Variants in PPL observed in about 807,000 individuals in gnomAD.
The protein encoded by PPL is periplakin, also known as 190 kDa paraneoplastic pemphigus antigen.
In PPL, 198 loss-of-function variants were observed where a neutral mutation model predicts 194.4. The observed-to-expected ratio is 1.02, with a 90% CI of 0.91 to 1.15. The LOEUF is 1.15. Among genes scored for constraint, PPL ranks in the 50% most tolerant of loss-of-function variants. PPL has a pLI of 0.00. For missense variants in PPL, 2,885 were observed against 2,294.8 expected, an observed-to-expected ratio of 1.26 and a Z score of -5.25; for synonymous variants, 1,220 against 972.4, an observed-to-expected ratio of 1.25 and a Z score of -4.74.
chr16:4,891,996 A>T (rs781313261), intron 15 of PPL, 39 bp downstream of exon 15: 4 of 1,610,248 alleles, frequency 2.5e-6, no homozygotes, highest in East Asian at 2.2e-5. Context: ...TGGCCCCCTG[A>T]CCCCACCCCA....
At chr16:4,916,792 A>G (rs2088925553) in intron 1 of PPL, among the ~76,000 whole-genome samples, 1 of 151,784 alleles carries the variant, frequency 6.6e-6, no homozygotes, top group Non-Finnish European at 1.5e-5. Flanking sequence ...GGCGTGAGCC[A>G]CTGCACCCAG....
At position 4,883,408 on chromosome 16, in the gene PPL, C is replaced by T. The variant is rs116861592; in HGVS notation, c.5247G>A (p.Ala1749=). 9.9e-6 allele frequency: 16 copies of T among 1,614,028 alleles called. No homozygotes were observed. The highest frequency in any genetic ancestry group is 8.3e-5 in the Admixed American group (5 of 59,990). The change falls in exon 22 of 22, where the codon GCG becomes GCA. Residue 1749 remains alanine, a synonymous_variant. Coordinates refer to ENST00000345988, the MANE Select transcript of PPL (RefSeq NM_002705.5). The surrounding 1 kb of genome is among the most constrained non-coding windows in gnomAD (Gnocchi z 4.8). ...VNKDMSIQEL[A]VLVSGQK Reference sequence around the variant, plus strand: ...CCTACTTCTGCCCAGATACCAAGACCGCCAGCTCCTGGATGGACATATCCT... The same window carrying T: ...CCTACTTCTGCCCAGATACCAAGACTGCCAGCTCCTGGATGGACATATCCT...
At chr16:4,917,722 G>A (rs1568044150) in intron 1 of PPL, among the ~76,000 whole-genome samples, 1 of 152,010 alleles carries the variant, frequency 6.6e-6, no homozygotes, top group Non-Finnish European at 1.5e-5. Flanking sequence ...GCAACATGGT[G>A]AAACCCCATG....
At chr16:4,890,096 A>G (rs1330514925) in intron 18 of PPL, 88 bp downstream of exon 18, 3 of 1,597,904 alleles carry the variant, frequency 1.9e-6, no homozygotes, top group African/African-American at 1.3e-5. Flanking sequence ...TCCACCTCCC[A>G]AAGGCTTGGC....
At chr16:4,905,469 C>T (rs2088663713) in intron 2 of PPL, among the ~76,000 whole-genome samples, 2 of 152,158 alleles carry the variant, frequency 1.3e-5, no homozygotes, top group African/African-American at 4.8e-5. Context: ...TAAATAGGCA[C>T]AAGAGATCTT....
chr16:4,890,173 G>C lies in PPL; in HGVS notation c.2313+11C>G. ...AGTGTGTGCCTGGGGCTGCGGAAAC[G>C]GCCATCTCACCTTCTGGTTCTTCAG... is the stretch of plus-strand genomic sequence containing the variant. On this transcript the variant is annotated intron_variant, in intron 18 of 21. Coordinates refer to ENST00000345988, the MANE Select transcript of PPL (RefSeq NM_002705.5). 1.2e-6 allele frequency: 2 copies of C among 1,614,024 alleles called. No individual in the cohort carries two copies. The highest frequency in any genetic ancestry group is 1.7e-6 in the Non-Finnish European group (2 of 1,180,018).
rs770840397 is a variant in PPL, at chr16:4,884,266, TCGGAGCAGGGCATGCTCTCGCGC to T, written c.4366_4388del (p.Ala1456ThrfsTer88). 1 of 1,612,622 alleles carries T rather than the reference TCGGAGCAGGGCATGCTCTCGCGC, an allele frequency of 6.2e-7. No homozygotes were observed. Among genetic ancestry groups the T allele is most frequent in the African/African-American group, 1.3e-5 (1 of 74,804 alleles). ...GGTGCTGCTCTTCTTCCAGCTGGAG[TCGGAGCAGGGCATGCTCTCGCGC>T]CTGCTGCGGGTCCTGCTGCAGCACC... On this transcript the variant is annotated frameshift_variant, in exon 22 of 22. Coordinates refer to ENST00000345988, the MANE Select transcript of PPL (RefSeq NM_002705.5). LOFTEE classifies it high-confidence loss of function. The surrounding 1 kb of genome is among the most constrained non-coding windows in gnomAD (Gnocchi z 5.7).
Position 4,890,757 on chromosome 16 carries a change from G to A in PPL, c.2133C>T (p.Phe711=), listed in dbSNP as rs965048622. The A allele has an allele frequency of 3.7e-6, 6 of 1,608,958 alleles. No individual in the cohort carries two copies. In the South Asian group the frequency reaches 4.4e-5, roughly 12 times the overall value. The change falls in exon 17 of 22, where the codon TTC becomes TTT. Residue 711 remains phenylalanine, a synonymous_variant. Transcript: ENST00000345988. ...EAEVHKLGQR[F]NNLRQQVERR... ...GTTCCACCTGCTGGCGCAGGTTGTT[G>A]AAACGCTGGCCCAGCTTGTGCACCT...
At chr16:4,917,016 C>T (rs536698724) in intron 1 of PPL, among the ~76,000 whole-genome samples, 1 of 152,108 alleles carries the variant, frequency 6.6e-6, no homozygotes, top group East Asian at 1.9e-4. Context: ...CCTGTAATCC[C>T]ATCTATTCGG....
intron 8 of PPL, among the ~76,000 whole-genome samples, chr16:4,898,404 G>C (rs980549072): frequency 2.0e-5 from 3 of 152,188 alleles, no homozygotes; most frequent in Non-Finnish European, 4.4e-5. Flanking sequence ...CATTGTGGGG[G>C]TTGGGAAGAA....
chr16:4,887,231 CAGAGA>C lies in PPL; in HGVS notation c.2515-9_2515-5del. The C allele has an allele frequency of 2.5e-6, 4 of 1,610,858 alleles. No homozygotes were observed. Among genetic ancestry groups the C allele is most frequent in the East Asian group, 2.2e-5 (1 of 44,858 alleles). ...ACTTGGCGGCAAGTGCTGCTTCCTG[CAGAGA>C]AGAGGATTAGGAGAGCGGTCAACAA... is the stretch of plus-strand genomic sequence containing the variant. On this transcript the variant is annotated splice_polypyrimidine_tract_variant and splice_region_variant and intron_variant, in intron 20 of 21. Transcript: ENST00000345988.
At chr16:4,936,861 G>T in intron 1 of PPL, 123 bp downstream of exon 1, 1 of 998,782 alleles carries the variant, frequency 1.0e-6, no homozygotes, top group Non-Finnish European at 1.4e-6. Flanking sequence ...CGCACTCCGG[G>T]TTCAGTTCCC....
chr16:4,887,115 T>A lies in PPL; in HGVS notation c.2607+20A>T, dbSNP rs777205481. The A allele has an allele frequency of 6.3e-7, 1 of 1,580,014 alleles. No individual in the cohort carries two copies. Among genetic ancestry groups the A allele is most frequent in the Non-Finnish European group, 8.7e-7 (1 of 1,149,082 alleles). On this transcript the variant is annotated intron_variant, in intron 21 of 21. Coordinates refer to ENST00000345988, the MANE Select transcript of PPL (RefSeq NM_002705.5). ...CTGTTAGAACAGCCTGAAGTAGAATTTCTTACTAAGATCAGTTACCTGTCT... is the reference window on the plus strand; with the variant it reads ...CTGTTAGAACAGCCTGAAGTAGAATATCTTACTAAGATCAGTTACCTGTCT...
chr16:4,895,401 C>A lies in PPL; in HGVS notation c.1102G>T (p.Glu368Ter), dbSNP rs1443094290. 1 of 1,606,020 alleles carries A rather than the reference C, an allele frequency of 6.2e-7. No homozygotes were observed. Residue 368 changes from glutamate to a stop codon, truncating the protein, a stop_gained, in exon 11 of 22, where the codon GAG becomes TAG. Transcript: ENST00000345988. LOFTEE classifies it high-confidence loss of function. The part of the protein sequence containing the change: ...ELLLRELDDQ[E>*]KVLDKYEDVV... ...TCCTCATACTTGTCCAGCACCTTCT[C>A]CTGGTCCTGGAGAGAACGGGGTCAG...
In PPL at chr16:4,899,129, G is replaced by A; in HGVS notation, c.769-9C>T. On this transcript the variant is annotated splice_polypyrimidine_tract_variant and intron_variant, in intron 7 of 21. Transcript: ENST00000345988. ...TTCCGGTTGATGAAATTCTGCAGTGGGGGGCAGTGGAGGGGCCTCAGTGCC... is the reference window on the plus strand; with the variant it reads ...TTCCGGTTGATGAAATTCTGCAGTGAGGGGCAGTGGAGGGGCCTCAGTGCC... 1.9e-6 allele frequency: 3 copies of A among 1,613,544 alleles called. No individual in the cohort carries two copies. Among genetic ancestry groups the A allele is most frequent in the Non-Finnish European group, 1.7e-6 (2 of 1,179,690 alleles).
chr16:4,890,612 G>T (rs1036859360), intron 17 of PPL, 116 bp downstream of exon 17: 3 of 1,281,142 alleles, frequency 2.3e-6, no homozygotes, highest in South Asian at 1.6e-5. Flanking sequence ...AGAATCTGAC[G>T]AACTCACCAA....
Position 4,884,846 on chromosome 16 carries a change from T to C in PPL, c.3809A>G (p.Tyr1270Cys). The change falls in exon 22 of 22, where the codon TAC becomes TGC. Residue 1270 changes from tyrosine to cysteine, a missense_variant. Tyr to Cys is a radical substitution (Grantham distance 194). Coordinates refer to ENST00000345988, the MANE Select transcript of PPL (RefSeq NM_002705.5). This position sits in a 1 kb window ranked among gnomAD's most constrained non-coding sequence, Gnocchi z 5.7. ...GGCCTGGATTTCCTTTTTCAGCTGG[T>C]AGATCTCTAAATCACACCTTTCGAT... ...RLIERCDLEI[Y>C]QLKKEIQALK... The C allele has an allele frequency of 6.2e-7, 1 of 1,614,160 alleles. No individual in the cohort carries two copies. Among genetic ancestry groups the C allele is most frequent in the Non-Finnish European group, 8.5e-7 (1 of 1,180,028 alleles).
intron 16 of PPL, chr16:4,891,501 T>TA (rs1439443090): frequency 3.6e-6 from 1 of 279,204 alleles, no homozygotes; most frequent in Non-Finnish European, 6.6e-6. Flanking sequence ...CGGCTGGACT[T>TA]AAACTCCAAG....
rs778535677 is a variant in PPL at position 4,885,512 on chromosome 16, G to T, written c.3143C>A (p.Ala1048Glu). 2.2e-5 allele frequency: 35 copies of T among 1,611,056 alleles called. No individual in the cohort carries two copies. The East Asian group carries it at 7.4e-4, about 34-fold the overall frequency. Residue 1048 changes from alanine (A) to glutamate (E), a missense_variant, in exon 22 of 22, where the codon GCG (alanine) becomes GAG (glutamate). Transcript: ENST00000345988. This position sits in a 1 kb window ranked among gnomAD's most constrained non-coding sequence, Gnocchi z 6.3. ...CTCTTTCTCTGTGACCTTCTCCTGCGCCCGGCTCTTCTCTTCAGCCAGGGC... is the reference window on the plus strand; with the variant it reads ...CTCTTTCTCTGTGACCTTCTCCTGCTCCCGGCTCTTCTCTTCAGCCAGGGC... ...VAALAEEKSR[A>E]QEKVTEKEVV...
Sources: gnomAD v4.1 joint callset for allele counts (sites outside exome capture counted in the v4.1 genomes callset) on GRCh38, gnomAD v4.1.1 for gene constraint, Gnocchi (gnomAD v3.1) non-coding constraint, MANE v1.5 for transcripts, NCBI Gene and HGNC (gene_info 2026-07-23, HGNC 2026-07-21) for gene names.